The following NEDD4L variants were observed in gnomAD, a reference collection of about 807,000 sequenced individuals.
NEDD4L encodes the protein E3 ubiquitin-protein ligase NEDD4-like.
Under a neutral mutation model 148.9 loss-of-function variants are expected in NEDD4L, and 54 were observed. The ratio of observed to expected loss-of-function variants is 0.36; its 90% confidence interval spans 0.29 to 0.45. NEDD4L has a LOEUF of 0.45. Among genes scored for constraint, NEDD4L ranks in the 20% least tolerant of loss-of-function variants. NEDD4L has a pLI of 1.00. For missense variants in NEDD4L, 856 were observed against 1,233.8 expected (o/e 0.69, Z 4.59); for synonymous variants, 433 against 440.7 (o/e 0.98, Z 0.22).
intron 1 of NEDD4L, among the ~76,000 whole-genome samples, chr18:58,132,297 C>T (rs1403656164): frequency 2.0e-5 from 3 of 152,128 alleles, no homozygotes; most frequent in African/African-American, 7.2e-5. Context: ...AAGAAAAAGA[C>T]CAATGGAGTT....
At position 58,322,422 on chromosome 18, in the gene NEDD4L, C is replaced by A. The variant is rs767138884; in HGVS notation, c.349-3C>A. ...AATTTAATTTACTGTTTTTTCCCCA[C>A]AGACAGAAGATCCAACCATGGAGCG... On this transcript the variant is annotated splice_polypyrimidine_tract_variant and splice_region_variant and intron_variant, in intron 6 of 30. Coordinates refer to ENST00000400345, the MANE Select transcript of NEDD4L (RefSeq NM_001144967.3). The A allele has an allele frequency of 5.6e-6, 9 of 1,601,706 alleles. No individual in the cohort carries two copies. In the Admixed American group the frequency reaches 1.2e-4, roughly 21 times the overall value.
At chr18:58,374,931 C>T (rs963511101) in intron 24 of NEDD4L, among the ~76,000 whole-genome samples, 9 of 152,170 alleles carry the variant, frequency 5.9e-5, no homozygotes, top group Non-Finnish European at 8.8e-5. Flanking sequence ...CTCAGGCCGG[C>T]GTCTGCCTTC....
chr18:58,122,914 G>C (rs1308414622), intron 1 of NEDD4L, among the ~76,000 whole-genome samples: 1 of 151,958 alleles, frequency 6.6e-6, no homozygotes, highest in East Asian at 1.9e-4. Context: ...TGTATTTTTA[G>C]CAGAGATGGA....
chr18:58,264,634 TCTGTCACTGCAGA>T (rs1244399294), intron 5 of NEDD4L, among the ~76,000 whole-genome samples: 2 of 152,110 alleles, frequency 1.3e-5, no homozygotes. Flanking sequence ...ATTTGAAATA[TCTGTCACTGCAGA>T]CATTTGTGGC....
At chr18:58,183,984 AT>A (rs1396112993) in intron 2 of NEDD4L, among the ~76,000 whole-genome samples, 2 of 152,200 alleles carry the variant, frequency 1.3e-5, no homozygotes, top group Admixed American at 1.3e-4. Flanking sequence ...CCTGGCTAAC[AT>A]GGTGAAACCC....
chr18:58,298,389 A>G (rs1039836774), intron 5 of NEDD4L, among the ~76,000 whole-genome samples: 5 of 152,206 alleles, frequency 3.3e-5, no homozygotes, highest in African/African-American at 1.2e-4. Context: ...TGCAGCAACA[A>G]TATAGAAGAC....
intron 25 of NEDD4L, among the ~76,000 whole-genome samples, chr18:58,384,432 T>G (rs1271406724): frequency 1.3e-5 from 2 of 152,248 alleles, no homozygotes; most frequent in Non-Finnish European, 2.9e-5. Flanking sequence ...CAATCTTAGC[T>G]GATGACATCC....
Position 58,366,929 on chromosome 18 carries a change from G to A in NEDD4L, c.2063+701G>A, listed in dbSNP as rs148290535. ...CCCCCACATCTCCCACCTGGTACCA[G>A]TCTCCTGGGGGCTCATTTGGAAGGC... On this transcript the variant is annotated intron_variant, in intron 21 of 30. Transcript: ENST00000400345. This position sits in a 1 kb window ranked among gnomAD's most constrained non-coding sequence, Gnocchi z 4.2. Among the ~76,000 whole-genome samples, 469 of 152,330 alleles carry A rather than the reference G, an allele frequency of 3.1e-3. 3 individuals are homozygous for A. Among genetic ancestry groups the A allele is most frequent in the Middle Eastern group, 0.017 (5 of 294 alleles).
chr18:58,165,384 C>G (rs916462809), intron 1 of NEDD4L, among the ~76,000 whole-genome samples: 1 of 152,132 alleles, frequency 6.6e-6, no homozygotes. Flanking sequence ...TATTGCAGGT[C>G]ACATACAAAT....
At chr18:58,045,162 C>T in intron 1 of NEDD4L, 1 of 399,008 alleles carries the variant, frequency 2.5e-6, no homozygotes, top group Admixed American at 4.4e-5. Flanking sequence ...CTGGAACTTT[C>T]TCTCTCATGA....
At chr18:58,147,967 G>T (rs2034272214) in intron 1 of NEDD4L, among the ~76,000 whole-genome samples, 1 of 152,100 alleles carries the variant, frequency 6.6e-6, no homozygotes, top group African/African-American at 2.4e-5. Flanking sequence ...GAAGGGGCTG[G>T]GCTCGGAATG....
chr18:58,061,923 A>G (rs914862218), intron 1 of NEDD4L, among the ~76,000 whole-genome samples: 2 of 107,004 alleles, frequency 1.9e-5, no homozygotes, highest in Non-Finnish European at 3.9e-5. Context: ...TCTTTTGGCT[A>G]CTCTCCACTT....
chr18:58,067,679 G>A (rs2144822971), intron 1 of NEDD4L, among the ~76,000 whole-genome samples: 1 of 152,332 alleles, frequency 6.6e-6, no homozygotes, highest in African/African-American at 2.4e-5. Flanking sequence ...CTGCACACAT[G>A]TTGTTCTTTG....
intron 5 of NEDD4L, among the ~76,000 whole-genome samples, chr18:58,314,143 A>G (rs1219974109): frequency 2.6e-5 from 4 of 152,216 alleles, no homozygotes; most frequent in Non-Finnish European, 4.4e-5. Context: ...CAGGCCAGGC[A>G]TGGTGACTCA....
Position 58,323,362 on chromosome 18 carries a change from C to T in NEDD4L, c.513+28C>T, listed in dbSNP as rs773559043. On this transcript the variant is annotated intron_variant, in intron 8 of 30. Transcript: ENST00000400345. ...ACGTGGAGGGCGTCAGGCCTCTCTC[C>T]TTGCCTTGAGATCATATTCATGTTT... The T allele has an allele frequency of 1.1e-5, 13 of 1,161,648 alleles. No homozygotes were observed. The South Asian group carries it at 1.6e-4, about 14-fold the overall frequency. The allele number at this position is 1,161,648 out of a possible 1,614,324, so 72.0% of individuals were successfully genotyped here. A position where few individuals can be genotyped will look rare whatever the true frequency, so the allele number is the denominator to read the frequency against.
At chr18:58,259,182 C>T (rs549536101) in intron 5 of NEDD4L, among the ~76,000 whole-genome samples, 1 of 152,214 alleles carries the variant, frequency 6.6e-6, no homozygotes, top group African/African-American at 2.4e-5. Flanking sequence ...AACATCCTGC[C>T]ATGACTAAAT....
intron 19 of NEDD4L, among the ~76,000 whole-genome samples, chr18:58,358,873 CA>C (rs1307562175): frequency 1.3e-5 from 2 of 151,816 alleles, no homozygotes; most frequent in East Asian, 1.9e-4. Context: ...TGTGCCTATT[CA>C]TTTTTTTTTA....
intron 10 of NEDD4L, 61 bp downstream of exon 10, chr18:58,329,188 T>C: frequency 6.5e-7 from 1 of 1,543,304 alleles, no homozygotes; most frequent in Non-Finnish European, 8.9e-7. Flanking sequence ...TTCTCCAGCT[T>C]GATTTTATAT....
At chr18:58,255,250 T>C (rs557455900) in intron 5 of NEDD4L, among the ~76,000 whole-genome samples, 2 of 151,762 alleles carry the variant, frequency 1.3e-5, no homozygotes, top group East Asian at 3.9e-4. Flanking sequence ...AGCGCCCTGC[T>C]GGGGCCACTC....
Sources: gnomAD v4.1 joint callset for allele counts (sites outside exome capture counted in the v4.1 genomes callset) on GRCh38, gnomAD v4.1.1 for gene constraint, Gnocchi (gnomAD v3.1) non-coding constraint, MANE v1.5 for transcripts, NCBI Gene and HGNC (gene_info 2026-07-23, HGNC 2026-07-21) for gene names.